The following NRXN1 variants were observed in gnomAD, a reference collection of about 807,000 sequenced individuals.
NRXN1 encodes the protein neurexin 1.
Under a neutral mutation model 150.9 loss-of-function variants are expected in NRXN1, and 39 were observed. The ratio of observed to expected loss-of-function variants is 0.26; its 90% CI spans 0.20 to 0.34. The LOEUF (loss-of-function observed/expected upper bound fraction) is 0.34, where lower values mean the gene tolerates loss of function less well. NRXN1 is among the 10% of genes least tolerant of loss of function. NRXN1 has a pLI of 1.00. For missense variants in NRXN1, 1,815 were observed against 1,949.9 expected (o/e 0.93, Z 1.30); for synonymous variants, 924 against 757.0 (o/e 1.22, Z -3.62).
chr2:50,339,767 CTACT>C (rs1252845503), intron 17 of NRXN1, among the ~76,000 whole-genome samples: 1 of 151,702 alleles, frequency 6.6e-6, no homozygotes, highest in Non-Finnish European at 1.5e-5. Context: ...CTCCATCTTC[CTACT>C]TACTGACTAA....
At chr2:49,942,620 A>ATTATTATTATTATTT in intron 22 of NRXN1, among the ~76,000 whole-genome samples, 1 of 151,036 alleles carries the variant, frequency 6.6e-6, no homozygotes, top group Non-Finnish European at 1.5e-5. Flanking sequence ...TTATTTTATT[A>ATTATTATTATTATTT]TTATTTTGAG....
intron 8 of NRXN1, among the ~76,000 whole-genome samples, chr2:50,585,017 T>A (rs988425007): frequency 1.3e-5 from 2 of 152,086 alleles, no homozygotes; most frequent in East Asian, 3.9e-4. Flanking sequence ...TTTTTTTTCA[T>A]AAAAATAAAA....
rs144328353 is a variant in NRXN1 at position 50,062,325 on chromosome 2, C to G, written c.3719-7281G>C. Among the ~76,000 whole-genome samples the G allele has an allele frequency of 2.3e-3, 355 of 152,156 alleles. 1 individual carries two copies. Among genetic ancestry groups the G allele is most frequent in the African/African-American group, 7.9e-3 (326 of 41,524 alleles). ...TATAAAAGAGGCTCCAGAAAACTCC[C>G]TTCCCTCCTTCTGTGATACGAGGAT... On this transcript the variant is annotated intron_variant, in intron 19 of 22. Coordinates refer to ENST00000401669, the MANE Select transcript of NRXN1 (RefSeq NM_001330078.2).
intron 19 of NRXN1, among the ~76,000 whole-genome samples, chr2:50,089,607 C>A (rs954210410): frequency 6.6e-6 from 1 of 151,808 alleles, no homozygotes; most frequent in Non-Finnish European, 1.5e-5. Context: ...AGCAACATAG[C>A]GAGACCCCCA....
At chr2:50,468,234 C>T (rs1295473960) in intron 16 of NRXN1, among the ~76,000 whole-genome samples, 1 of 151,560 alleles carries the variant, frequency 6.6e-6, no homozygotes, top group Non-Finnish European at 1.5e-5. Context: ...CAATGCTAAA[C>T]TCTAAAAATA....
intron 5 of NRXN1, chr2:50,757,937 A>T (rs890831810): frequency 6.6e-6 from 1 of 151,768 alleles, no homozygotes; most frequent in Non-Finnish European, 1.5e-5. Context: ...ATATTAGTCC[A>T]TAGGACCTCC....
chr2:50,644,291 AG>A (rs1684487572), intron 5 of NRXN1, among the ~76,000 whole-genome samples: 1 of 151,840 alleles, frequency 6.6e-6, no homozygotes, highest in Non-Finnish European at 1.5e-5. Flanking sequence ...TGAATTGGAA[AG>A]AAAAATATTT....
At chr2:50,960,295 C>T (rs1692946916) in intron 2 of NRXN1, among the ~76,000 whole-genome samples, 1 of 151,704 alleles carries the variant, frequency 6.6e-6, no homozygotes, top group Admixed American at 6.6e-5. Flanking sequence ...TCCCAGCTTT[C>T]TTTCTCTCCT....
intron 18 of NRXN1, among the ~76,000 whole-genome samples, chr2:50,151,994 T>C (rs1449287319): frequency 6.6e-6 from 1 of 151,806 alleles, no homozygotes; most frequent in African/African-American, 2.4e-5. Flanking sequence ...ATGCTGTAAA[T>C]GTAAATATAG....
intron 18 of NRXN1, among the ~76,000 whole-genome samples, chr2:50,197,768 T>A (rs1574447854): frequency 6.6e-6 from 1 of 152,084 alleles, no homozygotes; most frequent in African/African-American, 2.4e-5. Context: ...GAGATTTTCA[T>A]CAATAAATAA....
intron 19 of NRXN1, among the ~76,000 whole-genome samples, chr2:50,081,331 C>T (rs747176872): frequency 3.3e-5 from 5 of 152,172 alleles, no homozygotes; most frequent in Admixed American, 1.3e-4. Context: ...GTAATCCCAG[C>T]ACTTTGGGGG....
intron 2 of NRXN1, among the ~76,000 whole-genome samples, chr2:50,979,062 T>C (rs1406471714): frequency 1.3e-5 from 2 of 152,238 alleles, no homozygotes; most frequent in South Asian, 4.1e-4. Flanking sequence ...TCTAGGATTT[T>C]CTAAATTTGA....
chr2:50,412,651 A>T (rs1476721877), intron 17 of NRXN1, among the ~76,000 whole-genome samples: 1 of 152,182 alleles, frequency 6.6e-6, no homozygotes, highest in African/African-American at 2.4e-5. Context: ...TAAGAATTTA[A>T]TCTTACTGAA....
In NRXN1 at chr2:50,479,782, T is replaced by A. The variant is rs2090315899; in HGVS notation, c.3071-7311A>T. ...ATTTCTTTTTCTTTTTTTTTTTTTT[T>A]TTTTTTTTTGAGATGGAGTCTTGCT... is the stretch of plus-strand genomic sequence containing the variant. On this transcript the variant is annotated intron_variant, in intron 15 of 22. Transcript: ENST00000401669. Among the ~76,000 whole-genome samples the A allele has an allele frequency of 1.5e-5, 2 of 136,260 alleles. 1 individual carries two copies. Among genetic ancestry groups the A allele is most frequent in the African/African-American group, 5.5e-5 (2 of 36,328 alleles). 89.4% of individuals were successfully genotyped at this position (136,260 alleles called of 152,430 possible).
intron 18 of NRXN1, among the ~76,000 whole-genome samples, chr2:50,140,174 C>T (rs1197100244): frequency 6.6e-6 from 1 of 152,098 alleles, no homozygotes; most frequent in Non-Finnish European, 1.5e-5. Context: ...CTTAGGACTT[C>T]ACACTTTAAA....
chr2:50,679,346 G>C (rs574083162), intron 5 of NRXN1, among the ~76,000 whole-genome samples: 1 of 152,144 alleles, frequency 6.6e-6, no homozygotes, highest in East Asian at 1.9e-4. Context: ...CAGACAAACA[G>C]GCTACTCAGA....
chr2:50,477,634 G>T (rs1320111198), intron 15 of NRXN1, among the ~76,000 whole-genome samples: 1 of 152,136 alleles, frequency 6.6e-6, no homozygotes, highest in Non-Finnish European at 1.5e-5. Flanking sequence ...TTATTCACAT[G>T]TACTTTTTTG....
intron 5 of NRXN1, among the ~76,000 whole-genome samples, chr2:50,909,775 C>G (rs1468901): frequency 0.99 from 150,634 of 152,108 alleles, 74,592 homozygotes; most frequent in East Asian, 1. Flanking sequence ...TCTTCTAATG[C>G]AGAAAGGCAA....
At chr2:50,512,350 A>C (rs1436605232) in intron 12 of NRXN1, among the ~76,000 whole-genome samples, 1 of 152,194 alleles carries the variant, frequency 6.6e-6, no homozygotes, top group Non-Finnish European at 1.5e-5. Flanking sequence ...GTGCTAGAAA[A>C]TGTGTTTATT....
Sources: gnomAD v4.1 joint callset for allele counts (sites outside exome capture counted in the v4.1 genomes callset) on GRCh38, gnomAD v4.1.1 for gene constraint, MANE v1.5 for transcripts, NCBI Gene and HGNC (gene_info 2026-07-23, HGNC 2026-07-21) for gene names.